ZNF490: variants seen among roughly 807,000 people sequenced by gnomAD.
ZNF490 encodes the protein zinc finger protein 490.
ZNF490 carries 11 observed loss-of-function variants against 17.7 expected under a neutral mutation model. The observed-to-expected ratio is 0.62, with a 90% CI of 0.39 to 1.03. ZNF490 has a LOEUF of 1.03. ZNF490 is among the 50% of genes least tolerant of loss of function. The pLI is 0.00. For missense variants in ZNF490, 542 were observed against 643.4 expected (o/e 0.84, Z 1.71); for synonymous variants, 222 against 216.1 (o/e 1.03, Z -0.24).
rs561159564 is a variant in ZNF490, at chr19:12,598,710, C to T, written c.162+10448G>A. Among the ~76,000 whole-genome samples the T allele has an allele frequency of 8.0e-5, 12 of 149,660 alleles. No homozygotes were observed. The South Asian group carries it at 2.7e-3, about 34-fold the overall frequency. ...CCCTTTTTAAAACCCAGGATTCTGC[C>T]GGGCGCGGTGGCTCATGCCTGTAAT... On this transcript the variant is annotated intron_variant, in intron 2 of 4. Transcript: ENST00000311437.
chr19:12,593,148 G>A (rs1490602917), intron 2 of ZNF490, among the ~76,000 whole-genome samples: 1 of 152,100 alleles, frequency 6.6e-6, no homozygotes, highest in Admixed American at 6.5e-5. Flanking sequence ...GTGTCCAGGC[G>A]GAGCCTTGGA....
chr19:12,602,127 C>CACACACACACACACGCACACACAT (rs35798638), intron 2 of ZNF490, among the ~76,000 whole-genome samples: 2 of 141,898 alleles, frequency 1.4e-5, no homozygotes, highest in Non-Finnish European at 3.1e-5. Context: ...CACACACACA[C>CACACACACACACACGCACACACAT]ATATATGGGC....
chr19:12,601,741 C>T (rs902704339), intron 2 of ZNF490, among the ~76,000 whole-genome samples: 2 of 151,994 alleles, frequency 1.3e-5, no homozygotes, highest in Non-Finnish European at 2.9e-5. Flanking sequence ...GCCTGTAATC[C>T]CAGCACTTTG....
At chr19:12,591,346 C>T (rs1020119327) in intron 2 of ZNF490, among the ~76,000 whole-genome samples, 9 of 151,954 alleles carry the variant, frequency 5.9e-5, no homozygotes, top group Non-Finnish European at 1.3e-4. Flanking sequence ...GCCGAGATTA[C>T]GCCACTGCAC....
Position 12,577,295 on chromosome 19 carries a change from C to T in ZNF490, c.*3190G>A, listed in dbSNP as rs920300283. ...CTTCAAAAAGTGAATGTTCTCACTCCCATTCCTGTAGCAGAGATACCCCTT... is the reference window on the plus strand; with the variant it reads ...CTTCAAAAAGTGAATGTTCTCACTCTCATTCCTGTAGCAGAGATACCCCTT... On this transcript the variant is annotated 3_prime_UTR_variant, in exon 5 of 5. Transcript: ENST00000311437. Among the ~76,000 whole-genome samples, 1 of 152,152 alleles carries T rather than the reference C, an allele frequency of 6.6e-6. No individual in the cohort carries two copies. Among genetic ancestry groups the T allele is most frequent in the Non-Finnish European group, 1.5e-5 (1 of 68,022 alleles).
chr19:12,606,406 A>G (rs1346230418), intron 2 of ZNF490, among the ~76,000 whole-genome samples: 3 of 147,160 alleles, frequency 2.0e-5, no homozygotes, highest in Admixed American at 7.0e-5. Flanking sequence ...GTGCAGTGGC[A>G]TGATCTCAGC....
chr19:12,609,252 T>C (rs374959966), intron 1 of ZNF490, 50 bp from the exon 2 acceptor site: 17 of 1,544,368 alleles, frequency 1.1e-5, no homozygotes, highest in Non-Finnish European at 1.4e-5. Context: ...AATTTAGAAC[T>C]AAACATGACC....
chr19:12,578,126 G>A lies in ZNF490; in HGVS notation c.*2359C>T, dbSNP rs1056447059. The A allele has an allele frequency of 6.1e-6, 6 of 985,390 alleles. No individual in the cohort carries two copies. Among genetic ancestry groups the A allele is most frequent in the Non-Finnish European group, 7.2e-6 (6 of 830,026 alleles). 61.0% of individuals were successfully genotyped at this position (985,390 alleles called of 1,614,324 possible). A position where few individuals can be genotyped will look rare whatever the true frequency, so the allele number is the denominator to read the frequency against. The stretch of plus-strand genomic sequence containing the variant: ...GAAGAGCTAAGTGCTAGTCTTAGCG[G>A]GAGGCTAGGAAACCAGTCCTGGAGC... On this transcript the variant is annotated 3_prime_UTR_variant, in exon 5 of 5. Transcript: ENST00000311437.
chr19:12,606,645 A>G (rs1245687061), intron 2 of ZNF490, among the ~76,000 whole-genome samples: 1 of 151,392 alleles, frequency 6.6e-6, no homozygotes, highest in African/African-American at 2.4e-5. Context: ...GCACCTGGCC[A>G]ATTTTTTTTA....
At chr19:12,604,838 T>A (rs58810868) in intron 2 of ZNF490, among the ~76,000 whole-genome samples, 2,597 of 148,964 alleles carry the variant, frequency 0.017, 77 homozygotes, top group African/African-American at 0.058. Flanking sequence ...AAAAAAATAA[T>A]AATAATAATA....
Position 12,579,095 on chromosome 19 carries a change from T to C in ZNF490, c.*1390A>G, listed in dbSNP as rs1332959023. 7 of 273,174 alleles carry C rather than the reference T, an allele frequency of 2.6e-5. No individual in the cohort carries two copies. The highest frequency in any genetic ancestry group is 9.3e-5 in the African/African-American group (4 of 43,004). The allele number at this position is 273,174 out of a possible 1,614,324, so 16.9% of individuals were successfully genotyped here. On this transcript the variant is annotated 3_prime_UTR_variant, in exon 5 of 5. Transcript: ENST00000311437. ...GGTGAAACCCCGTCTCCACTAAAAA[T>C]ACAAAAAATGAGCCGGGCGTGGTGG...
chr19:12,603,583 G>T (rs995218680), intron 2 of ZNF490, among the ~76,000 whole-genome samples: 1 of 152,162 alleles, frequency 6.6e-6, no homozygotes, highest in East Asian at 1.9e-4. Flanking sequence ...TTGAGCTCAG[G>T]TGTTTGAGAC....
chr19:12,577,604 T>C lies in ZNF490; in HGVS notation c.*2881A>G, dbSNP rs1199053535. 1.0e-6 allele frequency: 1 copy of C among 985,458 alleles called. No individual in the cohort carries two copies. Among genetic ancestry groups the C allele is most frequent in the Non-Finnish European group, 1.2e-6 (1 of 829,952 alleles). The allele number at this position is 985,458 out of a possible 1,614,324, so 61.0% of individuals were successfully genotyped here. A position where few individuals can be genotyped will look rare whatever the true frequency, so the allele number is the denominator to read the frequency against. On this transcript the variant is annotated 3_prime_UTR_variant, in exon 5 of 5. Transcript: ENST00000311437. Reference sequence around the variant, plus strand: ...CAGGTCCTCCACTGCATCTCCACAGTAGCCGTCACTTCCACTGAGGCCTCA... The same window carrying C: ...CAGGTCCTCCACTGCATCTCCACAGCAGCCGTCACTTCCACTGAGGCCTCA...
chr19:12,583,691 T>C, intron 2 of ZNF490, 135 bp from the exon 3 acceptor site: 4 of 782,774 alleles, frequency 5.1e-6, no homozygotes, highest in Non-Finnish European at 5.4e-6. Context: ...GTCAGAACTC[T>C]TGACTCTTTC....
chr19:12,588,164 A>G (rs1214018101), intron 2 of ZNF490, among the ~76,000 whole-genome samples: 1 of 150,950 alleles, frequency 6.6e-6, no homozygotes. Context: ...ATGCCTGGTC[A>G]ATTTTTATAT....
At chr19:12,600,650 T>C (rs564326161) in intron 2 of ZNF490, among the ~76,000 whole-genome samples, 15 of 152,262 alleles carry the variant, frequency 9.9e-5, no homozygotes, top group African/African-American at 3.6e-4. Flanking sequence ...TCCTTGTCAA[T>C]TGTGTCTTTA....
chr19:12,609,146 G>A lies in ZNF490; in HGVS notation c.162+12C>T, dbSNP rs909413468. The A allele has an allele frequency of 5.6e-6, 9 of 1,613,798 alleles. No individual in the cohort carries two copies. Among genetic ancestry groups the A allele is most frequent in the Non-Finnish European group, 7.6e-6 (9 of 1,179,762 alleles). On this transcript the variant is annotated intron_variant, in intron 2 of 4. Transcript: ENST00000311437. ...GAAGGTAGCCACGCTGACAGGTAGC[G>A]ATCTCACTTACAGTTTGAGTCTTGA...
intron 2 of ZNF490, among the ~76,000 whole-genome samples, chr19:12,588,786 T>C (rs1242589725): frequency 6.6e-6 from 1 of 152,218 alleles, no homozygotes; most frequent in African/African-American, 2.4e-5. Flanking sequence ...AGATCCAGAA[T>C]TGATAACAGA....
At chr19:12,591,309 G>A (rs766058031) in intron 2 of ZNF490, among the ~76,000 whole-genome samples, 1 of 151,822 alleles carries the variant, frequency 6.6e-6, no homozygotes, top group Non-Finnish European at 1.5e-5. Flanking sequence ...TAAATCGCTT[G>A]AACCTGAGAA....
Sources: gnomAD v4.1 joint callset for allele counts (sites outside exome capture counted in the v4.1 genomes callset) on GRCh38, gnomAD v4.1.1 for gene constraint, MANE v1.5 for transcripts, NCBI Gene and HGNC (gene_info 2026-07-23, HGNC 2026-07-21) for gene names.